Variants in PPP1R21 observed in about 807,000 individuals in gnomAD.
PPP1R21 encodes the protein protein phosphatase 1 regulatory subunit 21, also known as KLRAQ motif containing 1.
Under a neutral mutation model 112.8 loss-of-function variants are expected in PPP1R21, and 85 were observed. The ratio of observed to expected loss-of-function variants is 0.75; its 90% CI spans 0.63 to 0.90. The LOEUF (loss-of-function observed/expected upper bound fraction) is 0.90. Among genes scored for constraint, PPP1R21 ranks in the 40% least tolerant of loss-of-function variants. PPP1R21 has a pLI of 0.00. For missense variants in PPP1R21, 1,199 were observed against 901.5 expected, an observed-to-expected ratio of 1.33 and a Z score of -4.23; for synonymous variants, 381 against 322.3, an observed-to-expected ratio of 1.18 and a Z score of -1.95.
chr2:48,476,406 A>G (rs973465226), intron 12 of PPP1R21, among the ~76,000 whole-genome samples: 1 of 152,292 alleles, frequency 6.6e-6, no homozygotes, highest in Non-Finnish European at 1.5e-5. Flanking sequence ...TAATGATGCT[A>G]TTGACATTCA....
intron 13 of PPP1R21, among the ~76,000 whole-genome samples, chr2:48,480,566 C>T (rs1572866241): frequency 6.6e-6 from 1 of 152,118 alleles, no homozygotes; most frequent in Non-Finnish European, 1.5e-5. Flanking sequence ...GCTGAAAGGC[C>T]GAGGGGAACC....
chr2:48,485,005 G>T (rs944422939), intron 13 of PPP1R21, among the ~76,000 whole-genome samples: 1 of 114,682 alleles, frequency 8.7e-6, no homozygotes, highest in South Asian at 3.3e-4. Context: ...TGTGTAGAAA[G>T]AAAATGTCTG....
intron 15 of PPP1R21, among the ~76,000 whole-genome samples, chr2:48,494,415 A>T (rs1278560788): frequency 1.5e-4 from 1 of 6,722 alleles, no homozygotes; most frequent in African/African-American, 1.8e-3. Flanking sequence ...ATTTTATTTT[A>T]TTTATTTATT....
At chr2:48,464,898 G>A in intron 7 of PPP1R21, 39 bp from the exon 8 acceptor site, 1 of 1,495,832 alleles carries the variant, frequency 6.7e-7, no homozygotes, top group Non-Finnish European at 9.1e-7. Context: ...CAGTATATGT[G>A]AAATGAGAGA....
intron 17 of PPP1R21, among the ~76,000 whole-genome samples, chr2:48,504,930 G>A (rs1263735037): frequency 2.0e-5 from 3 of 152,008 alleles, no homozygotes; most frequent in South Asian, 2.1e-4. Flanking sequence ...GGAATTTGAC[G>A]CTGCAGTAAG....
chr2:48,441,054 C>T lies in PPP1R21; in HGVS notation c.57+44C>T, dbSNP rs372005642. The T allele has an allele frequency of 1.7e-4, 240 of 1,420,716 alleles. 1 individual carries two copies. Among genetic ancestry groups the T allele is most frequent in the Non-Finnish European group, 3.2e-5 (32 of 1,008,076 alleles). 88.0% of individuals were successfully genotyped at this position (1,420,716 alleles called of 1,614,324 possible). A position where few individuals can be genotyped will look rare whatever the true frequency, so the allele number is the denominator to read the frequency against. The stretch of plus-strand genomic sequence containing the variant: ...GAGTAGGGGGTCCCCCGCCCTGCGG[C>T]CTCAGGTTGCCGTGGCAGCGACTTG... On this transcript the variant is annotated intron_variant, in intron 1 of 21. Coordinates refer to ENST00000294952, the MANE Select transcript of PPP1R21 (RefSeq NM_001135629.3).
At position 48,459,795 on chromosome 2, in the gene PPP1R21, G is replaced by C. The variant is rs1422297788; in HGVS notation, c.417G>C (p.Glu139Asp). Residue 139 changes from glutamate (E) to aspartate (D), a missense_variant, in exon 5 of 22, where the codon GAG becomes GAC. Glu to Asp is a conservative substitution (Grantham distance 45). Transcript: ENST00000294952. ...AGCAGCACAAGCATGTGGAAGCAGAGCTGAGGAGTCGACTGGCCACTCTGG... is the reference window on the plus strand; with the variant it reads ...AGCAGCACAAGCATGTGGAAGCAGACCTGAGGAGTCGACTGGCCACTCTGG... Reference protein sequence around the residue: ...ADEQHKHVEAELRSRLATLET... With the variant: ...ADEQHKHVEADLRSRLATLET... The C allele has an allele frequency of 5.0e-6, 8 of 1,614,028 alleles. No homozygotes were observed. The East Asian group carries it at 1.8e-4, about 36-fold the overall frequency.
rs1316190702 is a variant in PPP1R21 at position 48,498,748 on chromosome 2, T to A, written c.1935+13T>A. ...GAGCACCAGTCTAGTAAGTGTCTTC[T>A]TGGTTGTCCTCAGTTTTCTTTTTTA... On this transcript the variant is annotated intron_variant, in intron 17 of 21. Coordinates refer to ENST00000294952, the MANE Select transcript of PPP1R21 (RefSeq NM_001135629.3). The A allele has an allele frequency of 2.5e-6, 4 of 1,610,442 alleles. No individual in the cohort carries two copies. The highest frequency in any genetic ancestry group is 2.5e-6 in the Non-Finnish European group (3 of 1,177,638).
chr2:48,485,839 T>C (rs931960389), intron 13 of PPP1R21, among the ~76,000 whole-genome samples: 11 of 148,946 alleles, frequency 7.4e-5, no homozygotes, highest in African/African-American at 2.7e-4. Flanking sequence ...GTTTTGTGAT[T>C]GACATATATA....
chr2:48,511,552 A>G (rs1444292532), intron 21 of PPP1R21, 84 bp downstream of exon 21: 11 of 1,506,326 alleles, frequency 7.3e-6, no homozygotes, highest in Admixed American at 1.9e-5. Flanking sequence ...CAGGAGGAAG[A>G]GGACATAAGA....
At chr2:48,454,438 G>A in intron 2 of PPP1R21, 157 bp from the exon 3 acceptor site, 1 of 782,504 alleles carries the variant, frequency 1.3e-6, no homozygotes, top group Non-Finnish European at 2.0e-6. Context: ...TTCACAAAGT[G>A]CTAAAAACTT....
intron 14 of PPP1R21, 61 bp downstream of exon 14, chr2:48,486,819 G>T: frequency 6.5e-7 from 1 of 1,537,594 alleles, no homozygotes; most frequent in Non-Finnish European, 8.8e-7. Context: ...TTTTTCTGAG[G>T]GACATAGGAA....
intron 12 of PPP1R21, chr2:48,479,690 T>G: frequency 1.6e-6 from 1 of 613,992 alleles, no homozygotes; most frequent in Non-Finnish European, 3.0e-6. Flanking sequence ...GCTTAACAAC[T>G]GAATTTTGTT....
chr2:48,511,264 CT>C lies in PPP1R21; in HGVS notation c.2185-72del, dbSNP rs552976776. 465 of 1,442,722 alleles carry C rather than the reference CT, an allele frequency of 3.2e-4. 3 individuals carry two copies. The African/African-American group carries it at 6.0e-3, about 18-fold the overall frequency. 89.4% of individuals were successfully genotyped at this position (1,442,722 alleles called of 1,614,324 possible). A position where few individuals can be genotyped will look rare whatever the true frequency, so the allele number is the denominator to read the frequency against. ...TATAATTTCCCTACTCCACATTTTT[CT>C]TTTGTGAATTAAAAAAGCTTCAGAG... On this transcript the variant is annotated intron_variant, in intron 20 of 21. Coordinates refer to ENST00000294952, the MANE Select transcript of PPP1R21 (RefSeq NM_001135629.3).
intron 14 of PPP1R21, among the ~76,000 whole-genome samples, chr2:48,489,471 T>C (rs1167675242): frequency 6.6e-6 from 1 of 151,754 alleles, no homozygotes; most frequent in Non-Finnish European, 1.5e-5. Context: ...GTCTCCCAAG[T>C]AGCTGGGAAC....
chr2:48,452,077 G>A (rs144594776), intron 2 of PPP1R21, among the ~76,000 whole-genome samples: 2 of 152,252 alleles, frequency 1.3e-5, no homozygotes, highest in African/African-American at 4.8e-5. Context: ...TTTATAGTCA[G>A]GATTTATTAG....
Position 48,454,737 on chromosome 2 carries a change from A to T in PPP1R21, c.269A>T (p.Asn90Ile). ...CTAAGTGAACCACGAGGCAAGAAAAACAAGGTAGGTTCAAATACAGGCAAG... is the reference window on the plus strand; with the variant it reads ...CTAAGTGAACCACGAGGCAAGAAAATCAAGGTAGGTTCAAATACAGGCAAG... ...LALSEPRGKK[N>I]KKSGESSSQL... Residue 90 changes from asparagine to isoleucine, a missense_variant, in exon 3 of 22, where the codon AAC (asparagine) becomes ATC (isoleucine). Coordinates refer to ENST00000294952, the MANE Select transcript of PPP1R21 (RefSeq NM_001135629.3). 1 of 1,613,602 alleles carries T rather than the reference A, an allele frequency of 6.2e-7. No homozygotes were observed. Among genetic ancestry groups the T allele is most frequent in the Non-Finnish European group, 8.5e-7 (1 of 1,179,490 alleles).
intron 19 of PPP1R21, among the ~76,000 whole-genome samples, chr2:48,508,960 A>G (rs564604969): frequency 6.6e-6 from 1 of 152,316 alleles, no homozygotes; most frequent in East Asian, 1.9e-4. Context: ...CCCCTCCCAC[A>G]TGACTTTACT....
intron 3 of PPP1R21, among the ~76,000 whole-genome samples, chr2:48,455,037 T>G (rs568787558): frequency 6.6e-6 from 1 of 152,018 alleles, no homozygotes; most frequent in Non-Finnish European, 1.5e-5. Context: ...GGGGTCTCAC[T>G]ATGTTGCCCA....
Sources: gnomAD v4.1 joint callset for allele counts (sites outside exome capture counted in the v4.1 genomes callset) on GRCh38, gnomAD v4.1.1 for gene constraint, MANE v1.5 for transcripts, NCBI Gene and HGNC (gene_info 2026-07-23, HGNC 2026-07-21) for gene names.